The following SGCD variants were observed in gnomAD, a reference collection of about 807,000 sequenced individuals.
SGCD encodes sarcoglycan delta.
In SGCD, 18 loss-of-function variants were observed where a neutral mutation model predicts 36.6. That is an observed-to-expected ratio of 0.49 (90% CI 0.34 to 0.73). The LOEUF is 0.73. Among genes scored for constraint, SGCD ranks in the 30% least tolerant of loss-of-function variants. SGCD has a pLI of 0.01. For synonymous variants in SGCD, 133 were observed against 130.6 expected (o/e 1.02, Z -0.12); for missense variants, 387 against 346.7 (o/e 1.12, Z -0.92).
At chr5:156,031,685 T>G (rs981366128) in intron 1 of SGCD, among the ~76,000 whole-genome samples, 4 of 152,338 alleles carry the variant, frequency 2.6e-5, no homozygotes, top group South Asian at 4.1e-4. Context: ...AAGTGTATGA[T>G]GTATGTCAGG....
chr5:156,014,241 G>A (rs1017080121), intron 1 of SGCD, among the ~76,000 whole-genome samples: 6 of 152,114 alleles, frequency 3.9e-5, no homozygotes, highest in Non-Finnish European at 7.4e-5. Flanking sequence ...TGCTCATTCA[G>A]TTTCCTTGGC....
chr5:155,744,661 T>A, the SGCD span, among the ~76,000 whole-genome samples: 1 of 151,904 alleles, frequency 6.6e-6, no homozygotes, highest in Admixed American at 6.6e-5. Flanking sequence ...ACAGCTGAAG[T>A]TGGAGGAAGA....
At chr5:156,674,480 A>G (rs932731405) in intron 7 of SGCD, among the ~76,000 whole-genome samples, 3 of 152,186 alleles carry the variant, frequency 2.0e-5, no homozygotes, top group African/African-American at 4.8e-5. Flanking sequence ...AACTTGATAT[A>G]AGAAAGCAGT....
chr5:156,006,878 T>G (rs1013819929), intron 1 of SGCD, among the ~76,000 whole-genome samples: 1 of 152,228 alleles, frequency 6.6e-6, no homozygotes, highest in Non-Finnish European at 1.5e-5. Context: ...TCCCCCTTTT[T>G]TGGATTCTTG....
chr5:156,656,194 C>T (rs913387005), intron 7 of SGCD, among the ~76,000 whole-genome samples: 7 of 151,978 alleles, frequency 4.6e-5, no homozygotes, highest in African/African-American at 1.2e-4. Flanking sequence ...TGTGCTCTTA[C>T]GTTACATAAA....
chr5:156,274,884 A>G (rs1766277182), intron 3 of SGCD, among the ~76,000 whole-genome samples: 1 of 152,128 alleles, frequency 6.6e-6, no homozygotes, highest in African/African-American at 2.4e-5. Flanking sequence ...AGGAGTTGCA[A>G]GCTCAAACAC....
chr5:156,051,538 C>G, intron 1 of SGCD, among the ~76,000 whole-genome samples: 1 of 146,248 alleles, frequency 6.8e-6, no homozygotes, highest in East Asian at 1.9e-4. Context: ...ACAACAAATA[C>G]TATAATATAT....
At chr5:156,054,571 C>T (rs1047159510) in intron 1 of SGCD, among the ~76,000 whole-genome samples, 3 of 146,682 alleles carry the variant, frequency 2.0e-5, no homozygotes, top group Non-Finnish European at 3.1e-5. Context: ...AGGCGTGAGC[C>T]ACCGCGCCCG....
chr5:156,153,343 G>T (rs1762873092), intron 3 of SGCD, among the ~76,000 whole-genome samples: 1 of 151,266 alleles, frequency 6.6e-6, no homozygotes, highest in Non-Finnish European at 1.5e-5. Context: ...TTTTAACGTG[G>T]GCCTTGGTTT....
the SGCD span, among the ~76,000 whole-genome samples, chr5:155,733,242 C>G: frequency 1.3e-4 from 20 of 152,082 alleles, no homozygotes; most frequent in African/African-American, 4.6e-4. Context: ...CATTATTAAG[C>G]TTTTGACTCC....
intron 3 of SGCD, among the ~76,000 whole-genome samples, chr5:156,363,165 T>A (rs1769898380): frequency 6.6e-6 from 1 of 152,174 alleles, no homozygotes; most frequent in South Asian, 2.1e-4. Context: ...TATACAAGCA[T>A]AATTAATTTC....
chr5:155,745,507 A>T, the SGCD span, among the ~76,000 whole-genome samples: 2 of 152,088 alleles, frequency 1.3e-5, no homozygotes, highest in South Asian at 4.2e-4. Flanking sequence ...TGTTAATTTT[A>T]TTACATACTT....
intron 7 of SGCD, among the ~76,000 whole-genome samples, chr5:156,686,290 T>C (rs1753902298): frequency 6.6e-6 from 1 of 152,206 alleles, no homozygotes; most frequent in Non-Finnish European, 1.5e-5. Context: ...TGCATAAATC[T>C]AAAGACCCCT....
rs564792361 is a variant in SGCD at position 156,308,662 on chromosome 5, T to C, written c.-43-20872T>C. Among the ~76,000 whole-genome samples the C allele has an allele frequency of 9.9e-5, 15 of 152,256 alleles. No homozygotes were observed. In the East Asian group the frequency reaches 2.9e-3, roughly 29 times the overall value. ...GTCACTCACTATCAAGAGAACAGCA[T>C]GGGGAAAATCCACACCCATGATCCC... On this transcript the variant is annotated intron_variant, in intron 3 of 9. Transcript: ENST00000517913.
At chr5:156,545,201 G>A (rs1225439730) in intron 4 of SGCD, among the ~76,000 whole-genome samples, 2 of 152,114 alleles carry the variant, frequency 1.3e-5, no homozygotes, top group East Asian at 3.8e-4. Flanking sequence ...TTAATATGGA[G>A]GGGCAGTAGT....
At chr5:156,679,073 C>T (rs1347122295) in intron 7 of SGCD, among the ~76,000 whole-genome samples, 1 of 152,122 alleles carries the variant, frequency 6.6e-6, no homozygotes, top group African/African-American at 2.4e-5. Context: ...TGCTGATGTC[C>T]CTAGTACTGC....
chr5:156,613,283 A>C (rs908729248), intron 6 of SGCD, among the ~76,000 whole-genome samples: 1 of 152,228 alleles, frequency 6.6e-6, no homozygotes, highest in Non-Finnish European at 1.5e-5. Flanking sequence ...CAAAGGACTC[A>C]TCAAATCCTG....
chr5:156,407,458 G>A (rs1465412617), intron 3 of SGCD, among the ~76,000 whole-genome samples: 1 of 152,152 alleles, frequency 6.6e-6, no homozygotes, highest in African/African-American at 2.4e-5. Context: ...CCTAAGCGGG[G>A]GAGGGGATCA....
At chr5:156,089,967 C>A (rs150287719) in intron 1 of SGCD, among the ~76,000 whole-genome samples, 1 of 152,116 alleles carries the variant, frequency 6.6e-6, no homozygotes, top group Admixed American at 6.5e-5. Context: ...CCCTGGGGCA[C>A]TTTTCATCTT....
Sources: allele counts gnomAD v4.1 joint callset (sites outside exome capture counted in the v4.1 genomes callset), GRCh38; gene constraint gnomAD v4.1.1; transcripts MANE v1.5; gene names NCBI Gene and HGNC (gene_info 2026-07-23, HGNC 2026-07-21).